The following HEMK2 variants were observed in gnomAD, a reference collection of about 807,000 sequenced individuals.
HEMK2 encodes HemK methyltransferase 2, ETF1 glutamine and histone H4 lysine.
chr21:28,840,254 T>C, the HEMK2 span, among the ~76,000 whole-genome samples: 1 of 152,124 alleles, frequency 6.6e-6, no homozygotes, highest in South Asian at 2.1e-4. Context: ...CCTGAAACTA[T>C]AAAAATTCTA....
the HEMK2 span, among the ~76,000 whole-genome samples, chr21:28,631,087 G>C: frequency 6.6e-6 from 1 of 152,106 alleles, no homozygotes; most frequent in Admixed American, 6.6e-5. Flanking sequence ...TGGGGTTGGG[G>C]TGCAGAGGAA....
chr21:28,657,566 T>C, the HEMK2 span, among the ~76,000 whole-genome samples: 2 of 151,998 alleles, frequency 1.3e-5, no homozygotes, highest in Admixed American at 6.6e-5. Context: ...ACCATGAAAA[T>C]TGTAACTGCA....
the HEMK2 span, among the ~76,000 whole-genome samples, chr21:28,741,193 T>A: frequency 1.3e-5 from 2 of 152,154 alleles, no homozygotes; most frequent in African/African-American, 4.8e-5. Context: ...GCCAACATCA[T>A]GATTAGACCC....
At chr21:28,709,063 G>A in the HEMK2 span, among the ~76,000 whole-genome samples, 84,498 of 151,918 alleles carry the variant, frequency 0.56, 26,167 homozygotes, top group East Asian at 0.84. Flanking sequence ...ATCCTCACAT[G>A]GTGAAAAGAG....
At chr21:28,799,382 A>G in the HEMK2 span, among the ~76,000 whole-genome samples, 1 of 152,264 alleles carries the variant, frequency 6.6e-6, no homozygotes, top group South Asian at 2.1e-4. Flanking sequence ...CACCCCCATG[A>G]TTCAATTACC....
the HEMK2 span, among the ~76,000 whole-genome samples, chr21:28,601,903 C>T: frequency 6.6e-6 from 1 of 152,172 alleles, no homozygotes; most frequent in Admixed American, 6.5e-5. Flanking sequence ...TGGACACATC[C>T]TGTTATAACC....
chr21:28,824,413 A>G, the HEMK2 span, among the ~76,000 whole-genome samples: 4 of 152,212 alleles, frequency 2.6e-5, no homozygotes, highest in African/African-American at 9.6e-5. Flanking sequence ...GTGTGTGTGT[A>G]TGAGTTTGTT....
the HEMK2 span, among the ~76,000 whole-genome samples, chr21:28,580,045 T>G: frequency 6.6e-6 from 1 of 152,146 alleles, no homozygotes; most frequent in Non-Finnish European, 1.5e-5. Flanking sequence ...CATTAAGAAA[T>G]CTGACAGTAG....
the HEMK2 span, among the ~76,000 whole-genome samples, chr21:28,647,063 T>C: frequency 6.6e-5 from 10 of 152,302 alleles, no homozygotes; most frequent in African/African-American, 1.9e-4. Flanking sequence ...TGATTTTCTA[T>C]AGAATGTGGC....
chr21:28,714,292 G>C, the HEMK2 span, among the ~76,000 whole-genome samples: 1 of 151,994 alleles, frequency 6.6e-6, no homozygotes, highest in African/African-American at 2.4e-5. Flanking sequence ...TGTCATTCTA[G>C]ATATATTATT....
At chr21:28,871,000 T>C in the HEMK2 span, among the ~76,000 whole-genome samples, 1 of 152,224 alleles carries the variant, frequency 6.6e-6, no homozygotes, top group Non-Finnish European at 1.5e-5. Flanking sequence ...TCAAATCTCC[T>C]CTTTGCCTTT....
At chr21:28,706,066 G>A in the HEMK2 span, among the ~76,000 whole-genome samples, 1 of 152,158 alleles carries the variant, frequency 6.6e-6, no homozygotes, top group Admixed American at 6.5e-5. Flanking sequence ...CCAAGAATTA[G>A]GATGTAGACA....
At chr21:28,665,334 C>CTTTTTTTTTTTTTTTTTTTTTTTTTTTTT in the HEMK2 span, among the ~76,000 whole-genome samples, 5 of 36,670 alleles carry the variant, frequency 1.4e-4, no homozygotes, top group Admixed American at 3.9e-4. Flanking sequence ...ATTTATATTT[C>CTTTTTTTTTTTTTTTTTTTTTTTTTTTTT]TTTTTTTTTT....
chr21:28,638,195 A>G, the HEMK2 span, among the ~76,000 whole-genome samples: 1 of 152,332 alleles, frequency 6.6e-6, no homozygotes, highest in South Asian at 2.1e-4. Context: ...AAAGTCCTTA[A>G]GTGTAGGGGT....
the HEMK2 span, among the ~76,000 whole-genome samples, chr21:28,601,207 A>G: frequency 1.3e-5 from 2 of 152,178 alleles, no homozygotes; most frequent in African/African-American, 4.8e-5. Context: ...GTAAAACACC[A>G]TCAGGTCATG....
At chr21:28,577,500 T>G in the HEMK2 span, 6 of 152,336 alleles carry the variant, frequency 3.9e-5, no homozygotes, top group East Asian at 1.2e-3. Flanking sequence ...TTAATAGATT[T>G]GCAATAAGCA....
chr21:28,658,241 G>A, the HEMK2 span, among the ~76,000 whole-genome samples: 1 of 151,996 alleles, frequency 6.6e-6, no homozygotes, highest in Non-Finnish European at 1.5e-5. Flanking sequence ...TTGTAACTAG[G>A]ATACTAATAA....
chr21:28,794,403 T>C, the HEMK2 span, among the ~76,000 whole-genome samples: 1 of 152,238 alleles, frequency 6.6e-6, no homozygotes, highest in Non-Finnish European at 1.5e-5. Context: ...AACTCAAATT[T>C]CATGTCCAGT....
the HEMK2 span, among the ~76,000 whole-genome samples, chr21:28,747,153 G>C: frequency 6.6e-6 from 1 of 152,236 alleles, no homozygotes; most frequent in Non-Finnish European, 1.5e-5. Context: ...ATGTGGAACA[G>C]AAGGGAAAAG....
Sources: gnomAD v4.1 joint callset for allele counts (sites outside exome capture counted in the v4.1 genomes callset) on GRCh38, gnomAD v4.1.1 for gene constraint, MANE v1.5 for transcripts, NCBI Gene and HGNC (gene_info 2026-07-23, HGNC 2026-07-21) for gene names.